QSER1: variants seen among roughly 807,000 people sequenced by gnomAD.
The protein encoded by QSER1 is glutamine and serine-rich protein 1.
QSER1 carries 49 observed loss-of-function variants against 158.5 expected under a neutral mutation model. That is an observed-to-expected ratio of 0.31 (90% CI 0.25 to 0.39). The LOEUF is 0.39. QSER1 is among the 10% of genes least tolerant of loss of function. QSER1 has a pLI of 1.00. For synonymous variants in QSER1, 650 were observed against 715.5 expected (o/e 0.91, Z 1.46); for missense variants, 1,754 against 2,010.3 (o/e 0.87, Z 2.44).
intron 1 of QSER1, among the ~76,000 whole-genome samples, chr11:32,908,948 T>A (rs1851729416): frequency 6.6e-6 from 1 of 152,000 alleles, no homozygotes; most frequent in African/African-American, 2.4e-5. Context: ...TCTCGTGAGG[T>A]CAGAAGTTCA....
chr11:32,927,350 G>T (rs1851985685), intron 2 of QSER1, 81 bp downstream of exon 2: 1 of 152,596 alleles, frequency 6.6e-6, no homozygotes, highest in East Asian at 1.9e-4. Flanking sequence ...CATGTGTTGA[G>T]TTCTGAATGT....
At chr11:32,948,590 T>C (rs553173564) in intron 4 of QSER1, among the ~76,000 whole-genome samples, 1 of 152,236 alleles carries the variant, frequency 6.6e-6, no homozygotes, top group Admixed American at 6.5e-5. Context: ...GATCACACCA[T>C]TGCACTCCAG....
At chr11:32,942,800 T>C (rs1412655513) in intron 4 of QSER1, among the ~76,000 whole-genome samples, 1 of 151,710 alleles carries the variant, frequency 6.6e-6, no homozygotes, top group African/African-American at 2.4e-5. Flanking sequence ...GGGGATGGCA[T>C]TGAATCTGTA....
rs1240228765 is a variant in QSER1 at position 32,893,679 on chromosome 11, G to T, written c.209+345G>T. Among the ~76,000 whole-genome samples, 2 of 152,220 alleles carry T rather than the reference G, an allele frequency of 1.3e-5. No individual in the cohort carries two copies. The highest frequency in any genetic ancestry group is 4.8e-5 in the African/African-American group (2 of 41,454). ...GACCCAGGATTGGCGCCGGGGGTCC[G>T]AAGGGGGCGCCGGAGAGTTTGGGGC... On this transcript the variant is annotated intron_variant, in intron 1 of 12. Transcript: ENST00000650167. The surrounding 1 kb of genome is among the most constrained non-coding windows in gnomAD (Gnocchi z 4.7).
At chr11:32,946,230 C>T (rs1006242045) in intron 4 of QSER1, among the ~76,000 whole-genome samples, 1 of 152,200 alleles carries the variant, frequency 6.6e-6, no homozygotes, top group East Asian at 1.9e-4. Flanking sequence ...GCCTTCTTCT[C>T]TCAGCTCGTC....
rs149280265 is a variant in QSER1 at position 32,931,807 on chromosome 11, T to C, written c.549T>C (p.Leu183=). The C allele has an allele frequency of 8.7e-6, 14 of 1,614,000 alleles. No individual in the cohort carries two copies. The highest frequency in any genetic ancestry group is 1.7e-4 in the Middle Eastern group (1 of 6,060). The change falls in exon 4 of 13, where the codon CTT becomes CTC. Residue 183 remains leucine (L), a synonymous_variant. Transcript: ENST00000650167. ...GACCTTTGCCAAGCACTGGAACACT[T>C]CCACCATCTCTCTCTGCTTATCAGC... The part of the protein sequence containing the change: ...ATGPLPSTGT[L]PPSLSAYQHP...
chr11:32,908,591 A>C (rs1394655415), intron 1 of QSER1, among the ~76,000 whole-genome samples: 1 of 152,242 alleles, frequency 6.6e-6, no homozygotes, highest in Non-Finnish European at 1.5e-5. Context: ...GATTTTTGGT[A>C]AAGATCATTA....
intron 4 of QSER1, among the ~76,000 whole-genome samples, chr11:32,936,239 C>T (rs1564936519): frequency 6.7e-6 from 1 of 150,092 alleles, no homozygotes; most frequent in Non-Finnish European, 1.5e-5. Context: ...CTTCCTGTGC[C>T]CATGTGTTCT....
rs191049090 is a variant in QSER1 at position 32,932,608 on chromosome 11, G to A, written c.1350G>A (p.Ser450=). 114 of 1,613,886 alleles carry A rather than the reference G, an allele frequency of 7.1e-5. No individual in the cohort carries two copies. In the Admixed American group the frequency reaches 9.5e-4, roughly 13 times the overall value. ...KPLHNQSSVI[S]GQAQIYSTAQ... ...TACATAATCAGAGTTCTGTAATATC[G>A]GGCCAAGCACAAATTTATTCTACAG... is the stretch of plus-strand genomic sequence containing the variant. Residue 450 remains serine, a synonymous_variant, in exon 4 of 13, where the codon TCG becomes TCA. Transcript: ENST00000650167.
Position 32,928,057 on chromosome 11 carries a change from A to G in QSER1, c.418A>G (p.Thr140Ala), listed in dbSNP as rs540486719. Reference sequence around the variant, plus strand: ...TTTTCTGTCTACTGCTGAATCCCGAACTGCTCAGGCTGCTGCTTCAGGAAC... The same window carrying G: ...TTTTCTGTCTACTGCTGAATCCCGAGCTGCTCAGGCTGCTGCTTCAGGAAC... ...MNFLSTAESRTAQAAASGTTL... is the reference protein window; with the variant it reads ...MNFLSTAESRAAQAAASGTTL... The change falls in exon 3 of 13, where the codon ACT becomes GCT. Residue 140 changes from threonine (T) to alanine (A), a missense_variant. Thr to Ala is a moderately conservative substitution (Grantham distance 58). Coordinates refer to ENST00000650167, the MANE Select transcript of QSER1 (RefSeq NM_001076786.3). 2 of 1,613,712 alleles carry G rather than the reference A, an allele frequency of 1.2e-6. No individual in the cohort carries two copies. The highest frequency in any genetic ancestry group is 2.2e-5 in the South Asian group (2 of 91,062).
chr11:32,943,620 G>T (rs1431066536), intron 4 of QSER1, among the ~76,000 whole-genome samples: 1 of 150,884 alleles, frequency 6.6e-6, no homozygotes, highest in African/African-American at 2.4e-5. Context: ...TTGATATGCT[G>T]CTGGATTCGG....
intron 8 of QSER1, among the ~76,000 whole-genome samples, chr11:32,962,791 C>G (rs1431006163): frequency 1.3e-5 from 2 of 152,200 alleles, no homozygotes; most frequent in East Asian, 1.9e-4. Context: ...CACTTGAAAT[C>G]TCAAATTTTA....
chr11:32,907,641 T>C (rs1851711521), intron 1 of QSER1, among the ~76,000 whole-genome samples: 1 of 152,246 alleles, frequency 6.6e-6, no homozygotes, highest in South Asian at 2.1e-4. Context: ...AGCTATATGT[T>C]AGTTCATTTT....
In QSER1 at chr11:32,935,309, A is replaced by T. The variant is rs1306046195; in HGVS notation, c.4051A>T (p.Asn1351Tyr). The T allele has an allele frequency of 3.7e-6, 6 of 1,613,990 alleles. No homozygotes were observed. Among genetic ancestry groups the T allele is most frequent in the Non-Finnish European group, 5.1e-6 (6 of 1,179,916 alleles). Residue 1351 changes from asparagine (N) to tyrosine (Y), a missense_variant, in exon 4 of 13, where the codon AAC (asparagine) becomes TAC (tyrosine). By Grantham distance (143) the Asn-to-Tyr change is moderately radical (BLOSUM62 -2). This residue lies in a region of QSER1 where 1,707 missense variants were observed against 1,919.6 expected (regional missense o/e 0.89). Transcript: ENST00000650167. ...AGATAAAGTTGATAATGAACTTAAA[A>T]ACTTGGAACATTTATCTTCATTTTC... ...PSDKVDNELK[N>Y]LEHLSSFSSD... is the part of the protein sequence containing the mutation.
chr11:32,935,849 G>A (rs1019400350), intron 4 of QSER1, among the ~76,000 whole-genome samples: 1 of 152,190 alleles, frequency 6.6e-6, no homozygotes, highest in Non-Finnish European at 1.5e-5. Context: ...GGTGACAAAT[G>A]ATAGCTTTTT....
Position 32,927,945 on chromosome 11 carries a change from T to A in QSER1, c.323-17T>A. On this transcript the variant is annotated splice_polypyrimidine_tract_variant and intron_variant, in intron 2 of 12. Coordinates refer to ENST00000650167, the MANE Select transcript of QSER1 (RefSeq NM_001076786.3). ...TTTTTTTTTTTACTTTGGGATATAT[T>A]TTATCTTCAAATTTAGGTCTTTCTG... 4.5e-6 allele frequency: 3 copies of A among 665,338 alleles called. No individual in the cohort carries two copies. Among genetic ancestry groups the A allele is most frequent in the Non-Finnish European group, 7.5e-6 (3 of 400,808 alleles). The allele number at this position is 665,338 out of a possible 1,614,324, so 41.2% of individuals were successfully genotyped here.
chr11:32,927,346 T>C (rs1253916193), intron 2 of QSER1, 77 bp downstream of exon 2: 2 of 152,652 alleles, frequency 1.3e-5, no homozygotes, highest in African/African-American at 4.8e-5. Context: ...TTTTCATGTG[T>C]TGAGTTCTGA....
At chr11:32,972,688 G>T (rs1320832115) in intron 10 of QSER1, among the ~76,000 whole-genome samples, 1 of 151,980 alleles carries the variant, frequency 6.6e-6, no homozygotes. Context: ...TGCCCACCTT[G>T]GCCTCCCAAA....
intron 4 of QSER1, among the ~76,000 whole-genome samples, chr11:32,945,435 G>A (rs1297621363): frequency 3.3e-5 from 5 of 151,234 alleles, no homozygotes; most frequent in African/African-American, 9.7e-5. Flanking sequence ...AGGCCTGGTG[G>A]TGACAAAAGC....
Sources: gnomAD v4.1 joint callset for allele counts (sites outside exome capture counted in the v4.1 genomes callset) on GRCh38, gnomAD v4.1.1 for gene constraint, gnomAD v4.1.1 regional missense constraint, Gnocchi (gnomAD v3.1) non-coding constraint, MANE v1.5 for transcripts, NCBI Gene and HGNC (gene_info 2026-07-23, HGNC 2026-07-21) for gene names.